The following CCSER1 variants were observed in gnomAD, a reference collection of about 807,000 sequenced individuals.
The protein encoded by CCSER1 is serine-rich coiled-coil domain-containing protein 1.
In CCSER1, 41 loss-of-function variants were observed where a neutral mutation model predicts 82.0. That is an observed-to-expected ratio of 0.50 (90% confidence interval 0.39 to 0.65). The LOEUF is 0.65. Ranked by LOEUF, CCSER1 falls within the 30% of genes least tolerant of loss-of-function variation. The pLI is 0.00. For synonymous variants in CCSER1, 414 were observed against 383.9 expected (o/e 1.08, Z -0.92); for missense variants, 1,119 against 1,064.2 (o/e 1.05, Z -0.72).
At chr4:91,359,620 A>G (rs1749111672) in intron 10 of CCSER1, among the ~76,000 whole-genome samples, 1 of 151,672 alleles carries the variant, frequency 6.6e-6, no homozygotes, top group South Asian at 2.1e-4. Flanking sequence ...AGCGATTAGT[A>G]TCTCAGATCT....
At chr4:90,446,681 C>G (rs1760704845) in intron 4 of CCSER1, among the ~76,000 whole-genome samples, 1 of 152,102 alleles carries the variant, frequency 6.6e-6, no homozygotes, top group African/African-American at 2.4e-5. Flanking sequence ...GACCCTTGAA[C>G]AACATGGGTT....
At chr4:91,535,703 G>A (rs560351172) in intron 10 of CCSER1, among the ~76,000 whole-genome samples, 4 of 131,524 alleles carry the variant, frequency 3.0e-5, no homozygotes, top group South Asian at 2.9e-4. Context: ...GTGAAAACAT[G>A]TGATAGTGCT....
chr4:90,965,401 C>T (rs1198588177), intron 9 of CCSER1, among the ~76,000 whole-genome samples: 1 of 152,074 alleles, frequency 6.6e-6, no homozygotes, highest in East Asian at 1.9e-4. Flanking sequence ...TTTCTCACCT[C>T]TGGGTGACCT....
intron 7 of CCSER1, among the ~76,000 whole-genome samples, chr4:90,791,622 G>T (rs1050249282): frequency 2.0e-5 from 3 of 152,030 alleles, no homozygotes; most frequent in Non-Finnish European, 4.4e-5. Context: ...AGGCCAAGGC[G>T]GGCGGATCAC....
chr4:91,171,068 T>C (rs1162638021), intron 10 of CCSER1, among the ~76,000 whole-genome samples: 1 of 152,228 alleles, frequency 6.6e-6, no homozygotes, highest in Non-Finnish European at 1.5e-5. Context: ...AATCTATTTA[T>C]GTCTAGGACA....
intron 5 of CCSER1, among the ~76,000 whole-genome samples, chr4:90,593,611 C>G (rs577363909): frequency 1.3e-5 from 2 of 152,156 alleles, no homozygotes; most frequent in Non-Finnish European, 2.9e-5. Context: ...CCTCCAGGTT[C>G]TATTCTCCTG....
At chr4:91,585,618 T>C (rs1028903256) in intron 10 of CCSER1, among the ~76,000 whole-genome samples, 1 of 151,576 alleles carries the variant, frequency 6.6e-6, no homozygotes, top group Non-Finnish European at 1.5e-5. Context: ...TTCTGGGTTG[T>C]GAAAAGGCTT....
chr4:90,774,769 G>A (rs1752680339), intron 7 of CCSER1, among the ~76,000 whole-genome samples: 1 of 151,958 alleles, frequency 6.6e-6, no homozygotes, highest in Non-Finnish European at 1.5e-5. Flanking sequence ...CCTGGCATAT[G>A]AAACAATTTC....
intron 6 of CCSER1, among the ~76,000 whole-genome samples, chr4:90,628,759 C>T (rs191992586): frequency 6.6e-6 from 1 of 152,142 alleles, no homozygotes; most frequent in Non-Finnish European, 1.5e-5. Flanking sequence ...GTTACTGAAA[C>T]AGTGAGCTAG....
chr4:90,745,561 G>C (rs1202022218), intron 7 of CCSER1, among the ~76,000 whole-genome samples: 1 of 151,814 alleles, frequency 6.6e-6, no homozygotes, highest in Admixed American at 6.6e-5. Context: ...TAAATATTGA[G>C]CTGCTTGTGT....
At chr4:90,656,123 C>G (rs537849886) in intron 6 of CCSER1, among the ~76,000 whole-genome samples, 2 of 151,864 alleles carry the variant, frequency 1.3e-5, no homozygotes, top group Non-Finnish European at 2.9e-5. Flanking sequence ...CATTAAAAAT[C>G]TCTTTTTAAA....
Position 91,485,295 on chromosome 4 carries a change from A to G in CCSER1, c.2218-113277A>G, listed in dbSNP as rs754432840. On this transcript the variant is annotated intron_variant, in intron 10 of 10. Transcript: ENST00000509176. ...ACAAAGCGATGATTTGGCAAGCTCC[A>G]AAAAGACTCAAATGTCGGGGAAAAT... is the stretch of plus-strand genomic sequence containing the variant. Among the ~76,000 whole-genome samples, 121 of 152,186 alleles carry G rather than the reference A, an allele frequency of 8.0e-4. 1 individual carries two copies. The highest frequency in any genetic ancestry group is 1.6e-3 in the Non-Finnish European group (109 of 68,006).
At chr4:90,934,897 G>A (rs1038594841) in intron 9 of CCSER1, among the ~76,000 whole-genome samples, 13 of 152,094 alleles carry the variant, frequency 8.5e-5, no homozygotes, top group African/African-American at 3.1e-4. Context: ...TGCCATTGCA[G>A]TCCAGCCTGG....
intron 10 of CCSER1, among the ~76,000 whole-genome samples, chr4:91,199,629 T>C (rs1735740087): frequency 1.3e-5 from 2 of 152,064 alleles, no homozygotes; most frequent in African/African-American, 2.4e-5. Flanking sequence ...AGAAAAATGT[T>C]TTACTCTGCT....
At chr4:90,228,514 A>G (rs1743714262) in intron 1 of CCSER1, among the ~76,000 whole-genome samples, 1 of 152,118 alleles carries the variant, frequency 6.6e-6, no homozygotes, top group Non-Finnish European at 1.5e-5. Flanking sequence ...AACCACCAAG[A>G]TGGGGAAAAA....
At chr4:90,863,898 A>T (rs746438503) in intron 8 of CCSER1, among the ~76,000 whole-genome samples, 5 of 151,612 alleles carry the variant, frequency 3.3e-5, no homozygotes, top group Non-Finnish European at 7.4e-5. Context: ...GAACCAGAGA[A>T]TCTCATCTGG....
At chr4:91,173,258 C>A (rs1732954432) in intron 10 of CCSER1, among the ~76,000 whole-genome samples, 1 of 152,026 alleles carries the variant, frequency 6.6e-6, no homozygotes, top group South Asian at 2.1e-4. Context: ...TCTTGTAGGT[C>A]ATAGAAATTA....
intron 9 of CCSER1, among the ~76,000 whole-genome samples, chr4:90,943,949 A>T (rs1731913423): frequency 6.6e-6 from 1 of 151,568 alleles, no homozygotes; most frequent in Admixed American, 6.6e-5. Flanking sequence ...AGTGAAAAAT[A>T]TCAGGCCGGC....
At chr4:90,729,370 C>A (rs376874513) in intron 7 of CCSER1, among the ~76,000 whole-genome samples, 209 of 152,230 alleles carry the variant, frequency 1.4e-3, no homozygotes, top group African/African-American at 4.7e-3. Flanking sequence ...TCAAGTTTAA[C>A]ATTTATTCCT....
Sources: allele counts gnomAD v4.1 joint callset (sites outside exome capture counted in the v4.1 genomes callset), GRCh38; gene constraint gnomAD v4.1.1; transcripts MANE v1.5; gene names NCBI Gene and HGNC (gene_info 2026-07-23, HGNC 2026-07-21).